The following HDAC9 variants were observed in gnomAD, a reference collection of about 807,000 sequenced individuals.
HDAC9 encodes the protein histone deacetylase 9.
Under a neutral mutation model 139.4 loss-of-function variants are expected in HDAC9, and 41 were observed. The observed-to-expected ratio is 0.29, with a 90% CI of 0.23 to 0.38. The LOEUF is 0.38. HDAC9 is among the 10% of genes least tolerant of loss of function. The pLI, the probability that HDAC9 is intolerant of heterozygous loss-of-function variation, is 1.00. For synonymous variants in HDAC9, 517 were observed against 476.2 expected (o/e 1.09, Z -1.12); for missense variants, 1,147 against 1,297.0 (o/e 0.88, Z 1.78).
intron 1 of HDAC9, among the ~76,000 whole-genome samples, chr7:18,393,846 G>A (rs149014450): frequency 1.1e-3 from 166 of 152,278 alleles, no homozygotes; most frequent in South Asian, 1.7e-3. Flanking sequence ...ATTTCCTACA[G>A]GCTGCTTAAA....
chr7:18,511,544 C>T (rs1801495429), intron 2 of HDAC9, among the ~76,000 whole-genome samples: 2 of 151,914 alleles, frequency 1.3e-5, no homozygotes, highest in African/African-American at 4.8e-5. Flanking sequence ...TTCAGTGAGC[C>T]GACATCACTC....
chr7:18,324,963 A>T (rs1260535417), intron 1 of HDAC9, among the ~76,000 whole-genome samples: 5 of 152,172 alleles, frequency 3.3e-5, no homozygotes. Flanking sequence ...TCTTAAAGTT[A>T]TAATAAGCCC....
chr7:18,629,518 G>T, intron 7 of HDAC9, 37 bp downstream of exon 7: 1 of 1,565,738 alleles, frequency 6.4e-7, no homozygotes, highest in East Asian at 2.3e-5. Context: ...AATGCTGGGA[G>T]TAGGAATGAA....
At chr7:18,855,905 C>T (rs893846211) in intron 21 of HDAC9, among the ~76,000 whole-genome samples, 3 of 152,066 alleles carry the variant, frequency 2.0e-5, no homozygotes, top group African/African-American at 7.2e-5. Flanking sequence ...TGACTTCATG[C>T]AGAGAAACAC....
At chr7:18,732,487 AT>A (rs1262537435) in intron 13 of HDAC9, among the ~76,000 whole-genome samples, 29 of 151,186 alleles carry the variant, frequency 1.9e-4, no homozygotes, top group South Asian at 4.2e-4. Flanking sequence ...CAGTGTATAT[AT>A]GTGTATATAT....
chr7:18,962,060 A>G (rs1397413422), intron 24 of HDAC9, among the ~76,000 whole-genome samples: 1 of 152,222 alleles, frequency 6.6e-6, no homozygotes, highest in African/African-American at 2.4e-5. Context: ...CCAAAGTACA[A>G]GAAGCCATGG....
chr7:18,300,109 C>T (rs1444868033), intron 1 of HDAC9, among the ~76,000 whole-genome samples: 1 of 152,186 alleles, frequency 6.6e-6, no homozygotes, highest in East Asian at 1.9e-4. Context: ...GCCTGCGGGC[C>T]ATGTGCAGCC....
intron 2 of HDAC9, among the ~76,000 whole-genome samples, chr7:18,271,301 G>A (rs1387296805): frequency 1.3e-5 from 2 of 152,160 alleles, no homozygotes; most frequent in Admixed American, 6.6e-5. Flanking sequence ...ATTGATTTGT[G>A]TATTGAAGTG....
At chr7:18,952,156 C>A (rs1447755689) in intron 23 of HDAC9, among the ~76,000 whole-genome samples, 1 of 151,900 alleles carries the variant, frequency 6.6e-6, no homozygotes, top group Admixed American at 6.6e-5. Flanking sequence ...TTTAAATGAT[C>A]AATTTAATTG....
intron 1 of HDAC9, among the ~76,000 whole-genome samples, chr7:18,422,742 GCGCACACACACACACACACACA>G (rs1333042658): frequency 1.5e-5 from 2 of 136,126 alleles, no homozygotes; most frequent in African/African-American, 3.0e-5. Flanking sequence ...ACACACACAC[GCGCACACACACACACACACACA>G]CACACACACA....
At chr7:18,592,989 C>T (rs1831413080) in intron 5 of HDAC9, among the ~76,000 whole-genome samples, 1 of 152,084 alleles carries the variant, frequency 6.6e-6, no homozygotes, top group South Asian at 2.1e-4. Context: ...AAGCATAGCT[C>T]TCACATGTTA....
intron 12 of HDAC9, among the ~76,000 whole-genome samples, chr7:18,686,925 T>C (rs575958479): frequency 7.4e-4 from 112 of 151,844 alleles, no homozygotes; most frequent in Non-Finnish European, 6.2e-4. Context: ...ATATTGGACA[T>C]GGTCCCGCCT....
chr7:18,336,027 A>G (rs186425206), intron 1 of HDAC9, among the ~76,000 whole-genome samples: 6 of 151,764 alleles, frequency 4.0e-5, no homozygotes, highest in Admixed American at 1.3e-4. Context: ...GTTTAGAGCA[A>G]TGCTTTTACA....
At chr7:18,845,245 T>G (rs1796832249) in intron 21 of HDAC9, among the ~76,000 whole-genome samples, 1 of 152,160 alleles carries the variant, frequency 6.6e-6, no homozygotes, top group Non-Finnish European at 1.5e-5. Context: ...TTTTTTTAAT[T>G]AACAAATTAA....
intron 2 of HDAC9, among the ~76,000 whole-genome samples, chr7:18,552,118 A>G (rs1817347520): frequency 6.6e-6 from 1 of 152,204 alleles, no homozygotes; most frequent in Admixed American, 6.5e-5. Flanking sequence ...ATTCATTTCA[A>G]ACTGTGACAA....
At chr7:18,936,448 C>G (rs1781639312) in intron 23 of HDAC9, among the ~76,000 whole-genome samples, 1 of 152,072 alleles carries the variant, frequency 6.6e-6, no homozygotes, top group South Asian at 2.1e-4. Flanking sequence ...ATTATAAGAT[C>G]CAAGACATGA....
intron 1 of HDAC9, among the ~76,000 whole-genome samples, chr7:18,304,552 A>T (rs924819223): frequency 6.6e-6 from 1 of 152,176 alleles, no homozygotes; most frequent in African/African-American, 2.4e-5. Flanking sequence ...GGGGACACAG[A>T]TGTATAGAAA....
chr7:18,145,073 T>G (rs1786206185), intron 1 of HDAC9, among the ~76,000 whole-genome samples: 1 of 152,232 alleles, frequency 6.6e-6, no homozygotes. Flanking sequence ...ACACTTAGAC[T>G]TTAGGTCAGT....
chr7:18,970,605 G>A (rs1784184464), intron 24 of HDAC9, among the ~76,000 whole-genome samples: 1 of 152,096 alleles, frequency 6.6e-6, no homozygotes, highest in African/African-American at 2.4e-5. Context: ...TTTGGATCAT[G>A]CCAAAGTTCT....
Sources: gnomAD v4.1 joint callset for allele counts (sites outside exome capture counted in the v4.1 genomes callset) on GRCh38, gnomAD v4.1.1 for gene constraint, MANE v1.5 for transcripts, NCBI Gene and HGNC (gene_info 2026-07-23, HGNC 2026-07-21) for gene names.